Variants in PIEZO1 observed in about 807,000 individuals in gnomAD.
PIEZO1 encodes the protein piezo type mechanosensitive ion channel component 1 (Er blood group).
In PIEZO1, 296 loss-of-function variants were observed where a neutral mutation model predicts 297.2. The observed-to-expected ratio is 1.00, with a 90% CI of 0.91 to 1.10. The LOEUF is 1.10. Among genes scored for constraint, PIEZO1 ranks in the 50% least tolerant of loss-of-function variants. PIEZO1 has a pLI of 0.00. For synonymous variants in PIEZO1, 2,427 were observed against 1,507.5 expected, an observed-to-expected ratio of 1.61 and a Z score of -14.13; for missense variants, 5,018 against 3,455.5, an observed-to-expected ratio of 1.45 and a Z score of -11.34.
rs780260086 is a variant in PIEZO1, at chr16:88,721,195, C to A, written c.5639G>T (p.Gly1880Val). 61 of 1,504,054 alleles carry A rather than the reference C, an allele frequency of 4.1e-5. No homozygotes were observed. Among genetic ancestry groups the A allele is most frequent in the Middle Eastern group, 3.4e-4 (2 of 5,856 alleles). 93.2% of individuals were successfully genotyped at this position (1,504,054 alleles called of 1,614,324 possible). A position where few individuals can be genotyped will look rare whatever the true frequency, so the allele number is the denominator to read the frequency against. The part of the protein sequence containing the change: ...SLRFRRRKKE[G>V]PARKGAAAIE... ...GGCTGCCGCTCCTTTCCGTGCTGGG[C>A]CCTCCTTCTTCCTTCTTCTAAAACG... Residue 1880 changes from glycine (G) to valine (V), a missense_variant, in exon 39 of 51, where the codon GGC (glycine) becomes GTC (valine). Physicochemically the swap from Gly to Val is moderately radical, Grantham distance 109. Transcript: ENST00000301015.
At chr16:88,772,384 G>C (rs2142900602) in intron 1 of PIEZO1, among the ~76,000 whole-genome samples, 1 of 152,320 alleles carries the variant, frequency 6.6e-6, no homozygotes, top group Non-Finnish European at 1.5e-5. Flanking sequence ...ATGAGGCCCA[G>C]GTGCCAATAA....
At position 88,717,213 on chromosome 16, in the gene PIEZO1, T is replaced by A. The variant is rs764571335; in HGVS notation, c.6472-2A>T. 2 of 1,547,940 alleles carry A rather than the reference T, an allele frequency of 1.3e-6. No individual in the cohort carries two copies. Among genetic ancestry groups the A allele is most frequent in the Non-Finnish European group, 1.7e-6 (2 of 1,146,882 alleles). On this transcript the variant is annotated splice_acceptor_variant, in intron 44 of 50. Coordinates refer to ENST00000301015, the MANE Select transcript of PIEZO1 (RefSeq NM_001142864.4). LOFTEE classifies it high-confidence loss of function. ...CTGCCCTTTGGGCTGCGGGTATTTC[T>A]GGAGGGGAACGACACAGGTCATACG...
In PIEZO1 at chr16:88,734,192, C is replaced by G. The variant is rs540539803; in HGVS notation, c.2181-138G>C. 7 of 1,243,098 alleles carry G rather than the reference C, an allele frequency of 5.6e-6. No individual in the cohort carries two copies. The South Asian group carries it at 9.1e-5, about 16-fold the overall frequency. The allele number at this position is 1,243,098 out of a possible 1,614,324, so 77.0% of individuals were successfully genotyped here. On this transcript the variant is annotated intron_variant, in intron 16 of 50. Coordinates refer to ENST00000301015, the MANE Select transcript of PIEZO1 (RefSeq NM_001142864.4). ...ACAGCTGTGTCGCAACTCATGCCCA[C>G]TGTCCCTGTGACCTCCACGCTACTG...
At chr16:88,779,258 C>T (rs1005746730) in intron 1 of PIEZO1, among the ~76,000 whole-genome samples, 8 of 152,080 alleles carry the variant, frequency 5.3e-5, no homozygotes, top group African/African-American at 1.7e-4. Context: ...AGGCTGGTCT[C>T]GAACTCCTGA....
chr16:88,726,764 C>CG lies in PIEZO1; in HGVS notation c.3649_3650insC (p.Cys1217SerfsTer49). The stretch of plus-strand genomic sequence containing the variant: ...GACGGTGACGTTGTACAGAATGAGG[C>CG]AGTCCCACAGCACGAGGCGGGCCCG... On this transcript the variant is annotated frameshift_variant, in exon 25 of 51. Coordinates refer to ENST00000301015, the MANE Select transcript of PIEZO1 (RefSeq NM_001142864.4). LOFTEE classifies it high-confidence loss of function. 1 of 1,550,190 alleles carries CG rather than the reference C, an allele frequency of 6.5e-7. No individual in the cohort carries two copies. The highest frequency in any genetic ancestry group is 1.2e-5 in the South Asian group (1 of 84,062).
chr16:88,734,690 G>T lies in PIEZO1; in HGVS notation c.1957C>A (p.Pro653Thr). The T allele has an allele frequency of 6.5e-7, 1 of 1,550,356 alleles. No individual in the cohort carries two copies. Among genetic ancestry groups the T allele is most frequent in the Non-Finnish European group, 8.7e-7 (1 of 1,146,946 alleles). The change falls in exon 15 of 51, where the codon CCT (proline) becomes ACT (threonine). Residue 653 changes from proline (P) to threonine (T), a missense_variant. Physicochemically the swap from Pro to Thr is conservative, Grantham distance 38. Coordinates refer to ENST00000301015, the MANE Select transcript of PIEZO1 (RefSeq NM_001142864.4). Reference protein sequence around the residue: ...AVYTFQFQDFPAYWRNLTGFT... With the variant: ...AVYTFQFQDFTAYWRNLTGFT... The stretch of plus-strand genomic sequence containing the variant: ...CCAGTGAGGTTGCGCCAGTAGGCAG[G>T]GAAGTCCTGGAACTGGAAGGTGTAG...
At chr16:88,735,396 C>T (rs1054153828) in intron 12 of PIEZO1, 150 bp from the exon 13 acceptor site, 16 of 643,496 alleles carry the variant, frequency 2.5e-5, no homozygotes, top group Non-Finnish European at 4.0e-5. Context: ...AGGCACCGAA[C>T]ACCCTCTCGC....
chr16:88,749,902 C>T (rs7195055), intron 1 of PIEZO1, among the ~76,000 whole-genome samples: 12,039 of 151,730 alleles, frequency 0.079, 1,091 homozygotes, highest in African/African-American at 0.23. Flanking sequence ...GTGGCGGGCA[C>T]CTGTAATCCC....
At chr16:88,754,124 A>G (rs1906534763) in intron 1 of PIEZO1, among the ~76,000 whole-genome samples, 1 of 152,134 alleles carries the variant, frequency 6.6e-6, no homozygotes, top group South Asian at 2.1e-4. Context: ...ACGCCTGACT[A>G]TGGCCCACAT....
chr16:88,734,786 G>C lies in PIEZO1; in HGVS notation c.1861C>G (p.Leu621Val), dbSNP rs1211039237. The change falls in exon 15 of 51, where the codon CTG becomes GTG. Residue 621 changes from leucine to valine, a missense_variant. Transcript: ENST00000301015. Reference protein sequence around the residue: ...CLTLFQVYYSLWRKLLKAFWW... With the variant: ...CLTLFQVYYSVWRKLLKAFWW... ...AAGGCCTTGAGCAGCTTCCGCCACA[G>C]GCTGTAGTAGACCTGCCGGGTGAGG... The C allele has an allele frequency of 1.9e-6, 3 of 1,550,348 alleles. No individual in the cohort carries two copies. In the South Asian group the frequency reaches 3.6e-5, roughly 18 times the overall value.
intron 22 of PIEZO1, 67 bp downstream of exon 22, chr16:88,731,639 G>T: frequency 1.5e-6 from 2 of 1,301,526 alleles, no homozygotes; most frequent in Non-Finnish European, 2.2e-6. Context: ...GGGGCAGGCG[G>T]GAAACACCCC....
chr16:88,753,084 GCCCCCAGAGCACACCCACCGC>G (rs1480764029), intron 1 of PIEZO1, among the ~76,000 whole-genome samples: 3 of 19,290 alleles, frequency 1.6e-4, no homozygotes, highest in Non-Finnish European at 3.5e-4. Flanking sequence ...CCCACCCACC[GCCCCCAGAGCACACCCACCGC>G]CCCCCAGAGC....
At chr16:88,774,524 C>T (rs1242586103) in intron 1 of PIEZO1, among the ~76,000 whole-genome samples, 1 of 152,214 alleles carries the variant, frequency 6.6e-6, no homozygotes, top group Non-Finnish European at 1.5e-5. Flanking sequence ...GCTCCAGAGT[C>T]CCCAGCAGCA....
rs150162512 is a variant in PIEZO1, at chr16:88,737,742, G to T, written c.1093C>A (p.Arg365=). 15 of 1,535,348 alleles carry T rather than the reference G, an allele frequency of 9.8e-6. No homozygotes were observed. In the South Asian group the frequency reaches 1.3e-4, roughly 13 times the overall value. The part of the protein sequence containing the change: ...LAELDQWPQE[R]ESDQHVVPTA... ...TGGCTGCTCACCTGGTCAGACTCCC[G>T]TTCCTGGGGCCACTGGTCCAGCTCT... The change falls in exon 9 of 51, where the codon CGG becomes AGG. Residue 365 remains arginine (R), a synonymous_variant. Coordinates refer to ENST00000301015, the MANE Select transcript of PIEZO1 (RefSeq NM_001142864.4).
intron 1 of PIEZO1, among the ~76,000 whole-genome samples, chr16:88,774,032 C>T (rs1907545581): frequency 6.6e-6 from 1 of 152,214 alleles, no homozygotes; most frequent in Admixed American, 6.5e-5. Context: ...TCCCTCTCCC[C>T]TGGCTTGGAA....
chr16:88,741,982 T>G, intron 4 of PIEZO1, 71 bp downstream of exon 4: 1 of 1,475,490 alleles, frequency 6.8e-7, no homozygotes, highest in Non-Finnish European at 9.1e-7. Context: ...CCCTCCTGGG[T>G]CCCCCCACTT....
intron 1 of PIEZO1, among the ~76,000 whole-genome samples, chr16:88,767,189 G>A (rs1182440213): frequency 6.6e-6 from 1 of 152,136 alleles, no homozygotes; most frequent in Non-Finnish European, 1.5e-5. Flanking sequence ...AGAAGGAAAC[G>A]GTCTCATGAG....
chr16:88,722,467 G>A lies in PIEZO1; in HGVS notation c.4776-70C>T, dbSNP rs570557442. 6.2e-5 allele frequency: 90 copies of A among 1,448,532 alleles called. No individual in the cohort carries two copies. The Middle Eastern group carries it at 1.4e-3, about 23-fold the overall frequency. The allele number at this position is 1,448,532 out of a possible 1,614,324, so 89.7% of individuals were successfully genotyped here. On this transcript the variant is annotated intron_variant, in intron 35 of 50. Transcript: ENST00000301015. ...GACCCCAGGCTACAGGGAGGGTCAGGGTGGAAAGTGCCCACGGTCCTTTGG... is the reference window on the plus strand; with the variant it reads ...GACCCCAGGCTACAGGGAGGGTCAGAGTGGAAAGTGCCCACGGTCCTTTGG...
At chr16:88,776,907 C>T (rs926801945) in intron 1 of PIEZO1, among the ~76,000 whole-genome samples, 21 of 152,182 alleles carry the variant, frequency 1.4e-4, no homozygotes, top group Non-Finnish European at 2.9e-5. Context: ...GATCTGGGCC[C>T]GGCTCACTTC....
Sources: gnomAD v4.1 joint callset for allele counts (sites outside exome capture counted in the v4.1 genomes callset) on GRCh38, gnomAD v4.1.1 for gene constraint, MANE v1.5 for transcripts, NCBI Gene and HGNC (gene_info 2026-07-23, HGNC 2026-07-21) for gene names.